Variants in TARBP1 observed in about 807,000 individuals in gnomAD.
TARBP1 encodes the protein tRNA guanosine 2 -O-methyltransferase TARBP1, also known as tRNA (guanosine(18)-2'-O)-methyltransferase TARBP1.
TARBP1 carries 144 observed loss-of-function variants against 178.6 expected under a neutral mutation model. The observed-to-expected ratio is 0.81, with a 90% CI of 0.70 to 0.93. TARBP1 has a LOEUF of 0.93. Among genes scored for constraint, TARBP1 ranks in the 40% least tolerant of loss-of-function variants. The pLI is 0.00. For synonymous variants in TARBP1, 787 were observed against 781.0 expected (o/e 1.01, Z -0.13); for missense variants, 2,067 against 2,011.7 (o/e 1.03, Z -0.53).
intron 14 of TARBP1, among the ~76,000 whole-genome samples, chr1:234,430,646 C>T (rs1271607929): frequency 6.6e-6 from 1 of 152,282 alleles, no homozygotes; most frequent in East Asian, 1.9e-4. Flanking sequence ...GACCTTTCTC[C>T]TACTCGCATA....
intron 26 of TARBP1, among the ~76,000 whole-genome samples, chr1:234,397,862 G>A (rs1484240302): frequency 7.7e-6 from 1 of 130,000 alleles, no homozygotes; most frequent in African/African-American, 3.0e-5. Context: ...AGGGGGAGGA[G>A]AGGAATGTGG....
Position 234,433,549 on chromosome 1 carries a change from T to G in TARBP1, c.2255A>C (p.His752Pro). Residue 752 changes from histidine (H) to proline (P), a missense_variant, in exon 14 of 30, where the codon CAT becomes CCT. His to Pro is a moderately conservative substitution (Grantham distance 77). Transcript: ENST00000040877. ...LNSVSDLDRC[H>P]LYLMVLTELI... ...CTCAGTTAACACCATCAGGTATAAA[T>G]GGCAACGATCCAGATCTGAAACCTA... The G allele has an allele frequency of 6.2e-7, 1 of 1,613,068 alleles. No individual in the cohort carries two copies. The highest frequency in any genetic ancestry group is 8.5e-7 in the Non-Finnish European group (1 of 1,179,816).
intron 10 of TARBP1, among the ~76,000 whole-genome samples, chr1:234,449,619 TA>T (rs1455473352): frequency 1.3e-5 from 2 of 152,166 alleles, no homozygotes; most frequent in Non-Finnish European, 2.9e-5. Context: ...CAAAAAAGAC[TA>T]AAAATACAAA....
In TARBP1 at chr1:234,457,791, G is replaced by C. The variant is rs114106199; in HGVS notation, c.1633-35C>G. 4 of 1,460,494 alleles carry C rather than the reference G, an allele frequency of 2.7e-6. No homozygotes were observed. In the South Asian group the frequency reaches 4.7e-5, roughly 17 times the overall value. 90.5% of individuals were successfully genotyped at this position (1,460,494 alleles called of 1,614,324 possible). A position where few individuals can be genotyped will look rare whatever the true frequency, so the allele number is the denominator to read the frequency against. On this transcript the variant is annotated intron_variant, in intron 8 of 29. Transcript: ENST00000040877. ...GCAGGAAAGGTTTTAAAAATTACTC[G>C]TATTAAAATGTTTAATTGAATAAAC...
intron 1 of TARBP1, among the ~76,000 whole-genome samples, chr1:234,477,743 A>C (rs1038034808): frequency 9.2e-5 from 14 of 152,054 alleles, no homozygotes; most frequent in Admixed American, 8.5e-4. Flanking sequence ...GGCCTCTATG[A>C]CGCTTAATTC....
At chr1:234,475,084 G>T (rs921757379) in intron 1 of TARBP1, among the ~76,000 whole-genome samples, 2 of 152,202 alleles carry the variant, frequency 1.3e-5, no homozygotes, top group African/African-American at 4.8e-5. Flanking sequence ...GCTTGCTGAG[G>T]GAGTCCACAT....
intron 22 of TARBP1, among the ~76,000 whole-genome samples, chr1:234,416,543 C>T (rs1160730285): frequency 2.6e-5 from 4 of 152,116 alleles, no homozygotes; most frequent in African/African-American, 7.2e-5. Context: ...GTAATTCTCC[C>T]GCCTCAGCCT....
intron 20 of TARBP1, among the ~76,000 whole-genome samples, chr1:234,424,112 C>G (rs1663434778): frequency 1.3e-5 from 2 of 152,114 alleles, no homozygotes; most frequent in South Asian, 4.1e-4. Context: ...TGACCTGCTA[C>G]CTTCAGAAAA....
intron 22 of TARBP1, among the ~76,000 whole-genome samples, chr1:234,414,509 G>A (rs938397586): frequency 1.3e-5 from 2 of 152,220 alleles, no homozygotes; most frequent in Admixed American, 1.3e-4. Context: ...CCAGAGAAGT[G>A]TGTGTCACTA....
chr1:234,417,156 T>C (rs566042678), intron 22 of TARBP1, among the ~76,000 whole-genome samples: 1 of 152,194 alleles, frequency 6.6e-6, no homozygotes, highest in Non-Finnish European at 1.5e-5. Flanking sequence ...AAATCCTTGA[T>C]GTATCACTGT....
intron 9 of TARBP1, among the ~76,000 whole-genome samples, chr1:234,450,816 A>G (rs1420044663): frequency 6.6e-6 from 1 of 152,066 alleles, no homozygotes; most frequent in Non-Finnish European, 1.5e-5. Context: ...ATATATACAC[A>G]TATGTGTGTG....
At chr1:234,408,874 G>A (rs910746528) in intron 23 of TARBP1, among the ~76,000 whole-genome samples, 1 of 152,166 alleles carries the variant, frequency 6.6e-6, no homozygotes, top group Non-Finnish European at 1.5e-5. Context: ...TGCAATTCCT[G>A]TCTTGATAAA....
At chr1:234,452,692 T>C (rs1372663272) in intron 9 of TARBP1, among the ~76,000 whole-genome samples, 2 of 152,144 alleles carry the variant, frequency 1.3e-5, no homozygotes, top group African/African-American at 4.8e-5. Context: ...CCACTCAATC[T>C]GGCAACTGTG....
chr1:234,462,006 T>C (rs1667906955), intron 6 of TARBP1, among the ~76,000 whole-genome samples: 1 of 152,266 alleles, frequency 6.6e-6, no homozygotes, highest in Admixed American at 6.5e-5. Flanking sequence ...AGATATTCAC[T>C]GGAAACTGGT....
rs1332201560 is a variant in TARBP1 at position 234,401,267 on chromosome 1, G to A, written c.3990-5C>T. 3 of 1,610,154 alleles carry A rather than the reference G, an allele frequency of 1.9e-6. No homozygotes were observed. The highest frequency in any genetic ancestry group is 2.2e-5 in the East Asian group (1 of 44,752). On this transcript the variant is annotated splice_region_variant and splice_polypyrimidine_tract_variant and intron_variant, in intron 24 of 29. Transcript: ENST00000040877. ...TGCCAATTCTTCTTGGCATTCCTAA[G>A]GATTAAAAATATGGTATGAGCCACA...
chr1:234,410,844 G>A (rs1445384558), intron 22 of TARBP1, among the ~76,000 whole-genome samples: 7 of 152,234 alleles, frequency 4.6e-5, no homozygotes, highest in Admixed American at 2.6e-4. Context: ...AGGCTGAGGC[G>A]GGTGGATCAT....
At chr1:234,448,972 G>A (rs938635205) in intron 10 of TARBP1, among the ~76,000 whole-genome samples, 1 of 152,214 alleles carries the variant, frequency 6.6e-6, no homozygotes, top group Admixed American at 6.5e-5. Context: ...CTCATCCAGA[G>A]AGTAAGAGGA....
chr1:234,463,758 G>A, intron 6 of TARBP1, 79 bp downstream of exon 6: 2 of 675,298 alleles, frequency 3.0e-6, no homozygotes, highest in Non-Finnish European at 4.7e-6. Flanking sequence ...ATAGTTGATG[G>A]TGCTTATAAC....
At chr1:234,472,993 TAA>T (rs1669218594) in intron 1 of TARBP1, among the ~76,000 whole-genome samples, 182 bp from the exon 2 acceptor site, 1 of 151,038 alleles carries the variant, frequency 6.6e-6, no homozygotes. Flanking sequence ...TTTTTTGCAC[TAA>T]GATTACTGTT....
Sources: allele counts gnomAD v4.1 joint callset (sites outside exome capture counted in the v4.1 genomes callset), GRCh38; gene constraint gnomAD v4.1.1; transcripts MANE v1.5; gene names NCBI Gene and HGNC (gene_info 2026-07-23, HGNC 2026-07-21).